The following TACC2 variants were observed in gnomAD, a reference collection of about 807,000 sequenced individuals.
TACC2 encodes the protein transforming acidic coiled-coil-containing protein 2.
TACC2 carries 137 observed loss-of-function variants against 227.3 expected under a neutral mutation model. The observed-to-expected ratio is 0.60, with a 90% confidence interval of 0.52 to 0.69. TACC2 has a LOEUF of 0.69. Ranked by LOEUF, TACC2 falls within the 30% of genes least tolerant of loss-of-function variation. The pLI is 0.00. For synonymous variants in TACC2, 1,523 were observed against 1,487.5 expected (o/e 1.02, Z -0.55); for missense variants, 3,470 against 3,694.4 (o/e 0.94, Z 1.57).
intron 2 of TACC2, among the ~76,000 whole-genome samples, chr10:122,027,804 A>C (rs1202046322): frequency 4.0e-5 from 6 of 148,328 alleles, no homozygotes; most frequent in East Asian, 2.0e-4. Context: ...AGTGCAATGG[A>C]GTGATCTCGG....
At chr10:122,057,706 G>A (rs1004679069) in intron 3 of TACC2, among the ~76,000 whole-genome samples, 2 of 152,040 alleles carry the variant, frequency 1.3e-5, no homozygotes. Flanking sequence ...TGTAATCCCA[G>A]CTACTTGGGA....
chr10:122,040,904 C>T lies in TACC2; in HGVS notation c.34-9534C>T, dbSNP rs139997500. Among the ~76,000 whole-genome samples the T allele has an allele frequency of 1.2e-4, 19 of 152,266 alleles. 2 individuals are homozygous for T. The highest frequency in any genetic ancestry group is 4.1e-4 in the African/African-American group (17 of 41,558). On this transcript the variant is annotated intron_variant, in intron 2 of 22. Coordinates refer to ENST00000369005, the MANE Select transcript of TACC2 (RefSeq NM_206862.4). ...CTGCAAATGAGCAGGAAGTAGGTGA[C>T]ATCAGAAGGACCCAGAGCCAGCTCA... is the stretch of plus-strand genomic sequence containing the variant.
At chr10:122,073,126 A>AAAAAAAATAT (rs1383487943) in intron 3 of TACC2, among the ~76,000 whole-genome samples, 9 of 71,008 alleles carry the variant, frequency 1.3e-4, no homozygotes, top group East Asian at 3.7e-4. Context: ...AAAAAAAAAA[A>AAAAAAAATAT]ATATATATAT....
intron 7 of TACC2, among the ~76,000 whole-genome samples, chr10:122,170,563 A>T (rs2093420524): frequency 6.6e-6 from 1 of 152,082 alleles, no homozygotes; most frequent in African/African-American, 2.4e-5. Context: ...CAGCCTCCCG[A>T]AGTGCTGGGA....
intron 3 of TACC2, among the ~76,000 whole-genome samples, chr10:122,067,265 A>T (rs1035750184): frequency 2.0e-5 from 3 of 152,086 alleles, no homozygotes; most frequent in African/African-American, 7.2e-5. Flanking sequence ...TGTCTGGAAA[A>T]ATCTTTATTT....
intron 1 of TACC2, among the ~76,000 whole-genome samples, chr10:122,019,075 T>C (rs1957026130): frequency 6.6e-6 from 1 of 152,254 alleles, no homozygotes; most frequent in Admixed American, 6.5e-5. Flanking sequence ...TGGTAATAAC[T>C]GGAGGAACTG....
At position 122,211,387 on chromosome 10, in the gene TACC2, C is replaced by T; in HGVS notation, c.6962C>T (p.Ser2321Phe). 2.5e-6 allele frequency: 4 copies of T among 1,614,068 alleles called. No individual in the cohort carries two copies. The highest frequency in any genetic ancestry group is 2.5e-6 in the Non-Finnish European group (3 of 1,180,000). The change falls in exon 9 of 23, where the codon TCC becomes TTC. Residue 2321 changes from serine to phenylalanine, a missense_variant. Ser to Phe is a radical substitution (Grantham distance 155). This residue lies in a region of TACC2 where 593 missense variants were observed against 636.6 expected (regional missense o/e 0.93). Transcript: ENST00000369005. ...AACACTCCTGCCTCACCTCCCAGAT[C>T]CCCTGCTGAACCCAATGACATCCCC... ...LDNTPASPPR[S>F]PAEPNDIPIA...
chr10:122,188,725 C>T (rs542936803), intron 7 of TACC2, among the ~76,000 whole-genome samples: 3 of 152,344 alleles, frequency 2.0e-5, no homozygotes, highest in Admixed American at 6.5e-5. Context: ...TATAACCTAG[C>T]GATGGTCAGG....
intron 2 of TACC2, among the ~76,000 whole-genome samples, chr10:122,036,392 A>G (rs562193813): frequency 2.3e-4 from 35 of 150,214 alleles, no homozygotes; most frequent in African/African-American, 8.6e-4. Flanking sequence ...ACAGAGTTTC[A>G]CCGTGTTAGC....
chr10:122,213,106 T>C (rs896173505), intron 9 of TACC2, among the ~76,000 whole-genome samples: 1 of 152,192 alleles, frequency 6.6e-6, no homozygotes, highest in African/African-American at 2.4e-5. Flanking sequence ...GACAGGGACT[T>C]TGGCGTGGAA....
chr10:121,989,784 T>G (rs1410642161), intron 1 of TACC2, among the ~76,000 whole-genome samples: 3 of 151,874 alleles, frequency 2.0e-5, no homozygotes, highest in African/African-American at 7.3e-5. Context: ...TAGAGATAGG[T>G]TCTTACTCTG....
At chr10:122,136,545 G>GTGTATATATATATATA (rs1555066884) in intron 6 of TACC2, among the ~76,000 whole-genome samples, 1 of 54,960 alleles carries the variant, frequency 1.8e-5, no homozygotes, top group African/African-American at 4.9e-5. Context: ...GTGTGTGTGT[G>GTGTATATATATATATA]TATATATATA....
chr10:122,111,674 T>G (rs1379784824), intron 5 of TACC2, among the ~76,000 whole-genome samples: 1 of 151,962 alleles, frequency 6.6e-6, no homozygotes, highest in African/African-American at 2.4e-5. Context: ...TTTTGTATTT[T>G]TAGTAGAGAC....
At chr10:122,108,127 G>A (rs555758900) in intron 5 of TACC2, among the ~76,000 whole-genome samples, 3 of 151,458 alleles carry the variant, frequency 2.0e-5, no homozygotes, top group African/African-American at 4.8e-5. Flanking sequence ...TCCTGACCTC[G>A]TGATCCACCC....
chr10:122,021,881 A>G (rs1957385282), intron 1 of TACC2, 56 bp from the exon 2 acceptor site: 3 of 1,090,598 alleles, frequency 2.8e-6, no homozygotes. Flanking sequence ...GCAGACAGAA[A>G]AAACCTCAGA....
chr10:122,235,674 A>C (rs1204131914), intron 16 of TACC2, among the ~76,000 whole-genome samples: 6 of 152,240 alleles, frequency 3.9e-5, no homozygotes, highest in Non-Finnish European at 4.4e-5. Flanking sequence ...CCCATTTTCC[A>C]ATAGCAGAGA....
intron 5 of TACC2, 106 bp downstream of exon 5, chr10:122,088,697 A>T (rs1381749986): frequency 6.5e-7 from 1 of 1,548,918 alleles, no homozygotes; most frequent in African/African-American, 1.4e-5. Context: ...ATGAGTTCCT[A>T]CATAAGAAAG....
chr10:122,133,707 C>T (rs1226276190), intron 6 of TACC2, among the ~76,000 whole-genome samples: 1 of 152,200 alleles, frequency 6.6e-6, no homozygotes, highest in African/African-American at 2.4e-5. Flanking sequence ...AGCCTTCTCC[C>T]CACGCTGAGA....
In TACC2 at chr10:122,089,785, A is replaced by G. The variant is rs143849155; in HGVS notation, c.5573+1194A>G. On this transcript the variant is annotated intron_variant, in intron 5 of 22. Transcript: ENST00000369005. ...TTTGCACATTCAGAAAGAATGCACG[A>G]TCACCTGTTTTTCGAGTCTGAACAC... is the stretch of plus-strand genomic sequence containing the variant. Among the ~76,000 whole-genome samples the G allele has an allele frequency of 7.2e-4, 110 of 151,942 alleles. 6 individuals carry two copies. In the Middle Eastern group the frequency reaches 0.017, roughly 23 times the overall value.
Sources: allele counts gnomAD v4.1 joint callset (sites outside exome capture counted in the v4.1 genomes callset), GRCh38; gene constraint gnomAD v4.1.1; regional missense constraint gnomAD v4.1.1; transcripts MANE v1.5; gene names NCBI Gene and HGNC (gene_info 2026-07-23, HGNC 2026-07-21).